CMBL: variants seen among roughly 807,000 people sequenced by gnomAD.
The protein encoded by CMBL is carboxymethylenebutenolidase homolog.
A neutral mutation model predicts 28.7 loss-of-function variants in CMBL; 17 were observed. That is an observed-to-expected ratio of 0.59 (90% confidence interval 0.41 to 0.89). CMBL has a LOEUF of 0.89. Among genes scored for constraint, CMBL ranks in the 40% least tolerant of loss-of-function variants. The probability of loss-of-function intolerance (pLI) is 0.00; values close to 1 mark genes in which losing one functional copy is unlikely to be tolerated. For synonymous variants in CMBL, 106 were observed against 101.6 expected, an observed-to-expected ratio of 1.04 and a Z score of -0.26; for missense variants, 310 against 298.5, an observed-to-expected ratio of 1.04 and a Z score of -0.28.
At chr5:10,305,351 A>G (rs988095590) in intron 1 of CMBL, among the ~76,000 whole-genome samples, 1 of 152,078 alleles carries the variant, frequency 6.6e-6, no homozygotes, top group African/African-American at 2.4e-5. Flanking sequence ...GGAGAGGAGC[A>G]TATGGAATTG....
At chr5:10,284,047 C>G (rs540596935) in intron 4 of CMBL, among the ~76,000 whole-genome samples, 1 of 152,324 alleles carries the variant, frequency 6.6e-6, no homozygotes, top group East Asian at 1.9e-4. Flanking sequence ...AGGCAGGGAG[C>G]CACGGGAAAG....
At chr5:10,298,398 TA>T (rs892972774) in intron 1 of CMBL, among the ~76,000 whole-genome samples, 13 of 151,058 alleles carry the variant, frequency 8.6e-5, no homozygotes, top group Admixed American at 4.6e-4. Context: ...GTAACCAATT[TA>T]AAAAAAAAGG....
In CMBL at chr5:10,278,701, T is replaced by A. The variant is rs1746438555; in HGVS notation, c.*1752A>T. On this transcript the variant is annotated 3_prime_UTR_variant, in exon 6 of 6. Transcript: ENST00000296658. Reference sequence around the variant, plus strand: ...GCAATAAACTGCTTCTGTCATTTCTTGGGTTCTGATGAGTTGCCTCCTCTA... The same window carrying A: ...GCAATAAACTGCTTCTGTCATTTCTAGGGTTCTGATGAGTTGCCTCCTCTA... Among the ~76,000 whole-genome samples, 1 of 152,164 alleles carries A rather than the reference T, an allele frequency of 6.6e-6. No individual in the cohort carries two copies. Among genetic ancestry groups the A allele is most frequent in the Non-Finnish European group, 1.5e-5 (1 of 68,030 alleles).
chr5:10,291,756 A>G (rs1343393756), intron 1 of CMBL, among the ~76,000 whole-genome samples: 1 of 152,212 alleles, frequency 6.6e-6, no homozygotes, highest in Non-Finnish European at 1.5e-5. Context: ...AGAAATTAAC[A>G]CAATTGACTC....
intron 4 of CMBL, among the ~76,000 whole-genome samples, chr5:10,282,752 A>G (rs920106109): frequency 2.0e-5 from 3 of 152,046 alleles, no homozygotes; most frequent in African/African-American, 7.3e-5. Flanking sequence ...ACTGCACTCC[A>G]GCTTGGGCAA....
rs1192886262 is a variant in CMBL at position 10,288,505 on chromosome 5, T to C, written c.240A>G (p.Val80=). The change falls in exon 3 of 6, where the codon GTA becomes GTG. Residue 80 remains valine (V), a synonymous_variant. Transcript: ENST00000296658. ...GYTTIVPDFF[V]GQEPWDPSGD... ...CAGAGGGGTCCCAAGGCTCTTGCCCTACAAAGAAGTCTGGAACAATGGTTC... is the reference window on the plus strand; with the variant it reads ...CAGAGGGGTCCCAAGGCTCTTGCCCCACAAAGAAGTCTGGAACAATGGTTC... 5 of 1,613,796 alleles carry C rather than the reference T, an allele frequency of 3.1e-6. No individual in the cohort carries two copies. The Admixed American group carries it at 6.7e-5, about 22-fold the overall frequency.
Position 10,278,197 on chromosome 5 carries a change from T to A in CMBL, c.*2256A>T, listed in dbSNP as rs1746428147. 6.6e-6 allele frequency among the ~76,000 whole-genome samples: 1 copy of A among 152,228 alleles called. No individual in the cohort carries two copies. The highest frequency in any genetic ancestry group is 1.5e-5 in the Non-Finnish European group (1 of 68,038). On this transcript the variant is annotated 3_prime_UTR_variant, in exon 6 of 6. Transcript: ENST00000296658. ...TCAAGTTTGGGAATTCTTTGAATTTTATGTTTCCTGAGCATCTATTTGAAT... is the reference window on the plus strand; with the variant it reads ...TCAAGTTTGGGAATTCTTTGAATTTAATGTTTCCTGAGCATCTATTTGAAT...
intron 1 of CMBL, among the ~76,000 whole-genome samples, chr5:10,299,737 G>C (rs1302044425): frequency 6.6e-6 from 1 of 151,500 alleles, no homozygotes; most frequent in Non-Finnish European, 1.5e-5. Flanking sequence ...TGTGGTCCCA[G>C]CTACTCAGGA....
Position 10,280,468 on chromosome 5 carries a change from C to T in CMBL, c.723G>A (p.Leu241=). 2 of 1,601,532 alleles carry T rather than the reference C, an allele frequency of 1.2e-6. No homozygotes were observed. The highest frequency in any genetic ancestry group is 1.7e-4 in the Middle Eastern group (1 of 6,020). Residue 241 remains leucine, a synonymous_variant, in exon 6 of 6, where the codon CTG becomes CTA. Transcript: ENST00000296658. ...TTGATTCTTGCTACATGTACTTGTT[C>T]AGCCACTCAATTAAATTCCTTCTGG... ...DEARRNLIEW[L]NKYM
chr5:10,277,829 C>T lies in CMBL; in HGVS notation c.*2624G>A, dbSNP rs1746421709. ...AGGACTCAGCAGAGGGAAGGCTGCC[C>T]AGGCCCCAAGCTCACCATGAAGGAT... On this transcript the variant is annotated 3_prime_UTR_variant, in exon 6 of 6. Coordinates refer to ENST00000296658, the MANE Select transcript of CMBL (RefSeq NM_138809.4). 6.6e-6 allele frequency among the ~76,000 whole-genome samples: 1 copy of T among 152,186 alleles called. No individual in the cohort carries two copies. The highest frequency in any genetic ancestry group is 2.4e-5 in the African/African-American group (1 of 41,456).
At chr5:10,306,241 C>A (rs1175889969) in intron 1 of CMBL, among the ~76,000 whole-genome samples, 1 of 152,140 alleles carries the variant, frequency 6.6e-6, no homozygotes, top group Non-Finnish European at 1.5e-5. Context: ...CAACGCAGTT[C>A]TCCAACAGAA....
rs1439303484 is a variant in CMBL, at chr5:10,278,352, C to T, written c.*2101G>A. On this transcript the variant is annotated 3_prime_UTR_variant, in exon 6 of 6. Transcript: ENST00000296658. Reference sequence around the variant, plus strand: ...CAAAACCGCCTCCTGGGACCACCTTCCCATGGACAGCTGGATACCACCTGC... The same window carrying T: ...CAAAACCGCCTCCTGGGACCACCTTTCCATGGACAGCTGGATACCACCTGC... Among the ~76,000 whole-genome samples, 1 of 152,196 alleles carries T rather than the reference C, an allele frequency of 6.6e-6. No individual in the cohort carries two copies. The highest frequency in any genetic ancestry group is 2.1e-4 in the South Asian group (1 of 4,830).
intron 1 of CMBL, among the ~76,000 whole-genome samples, chr5:10,298,009 C>T (rs761982907): frequency 6.6e-6 from 1 of 151,884 alleles, no homozygotes; most frequent in Non-Finnish European, 1.5e-5. Context: ...GCGAGAAGTA[C>T]GTATGGCTGT....
At position 10,288,454 on chromosome 5, in the gene CMBL, C is replaced by A; in HGVS notation, c.291G>T (p.Trp97Cys). Residue 97 changes from tryptophan to cysteine, a missense_variant, in exon 3 of 6, where the codon TGG (tryptophan) becomes TGT (cysteine). Coordinates refer to ENST00000296658, the MANE Select transcript of CMBL (RefSeq NM_138809.4). The part of the protein sequence containing the change: ...PSGDWSIFPE[W>C]LKTRNAQKID... ...TCTTCTGGGCATTTCTTGTTTTCAG[C>A]CACTCAGGGAAGATAGACCAGTCGC... 6.2e-7 allele frequency: 1 copy of A among 1,613,912 alleles called. No individual in the cohort carries two copies. Among genetic ancestry groups the A allele is most frequent in the Non-Finnish European group, 8.5e-7 (1 of 1,179,868 alleles).
intron 1 of CMBL, among the ~76,000 whole-genome samples, chr5:10,304,420 C>T (rs1561067618): frequency 1.3e-5 from 2 of 152,144 alleles, no homozygotes. Context: ...CCTCCTATAG[C>T]TTATTGAATC....
chr5:10,290,651 G>C lies in CMBL; in HGVS notation c.112C>G (p.Pro38Ala). 1.2e-6 allele frequency: 2 copies of C among 1,614,168 alleles called. No individual in the cohort carries two copies. The highest frequency in any genetic ancestry group is 1.7e-6 in the Non-Finnish European group (2 of 1,180,022). Residue 38 changes from proline (P) to alanine (A), a missense_variant, in exon 2 of 6, where the codon CCC (proline) becomes GCC (alanine). Physicochemically the swap from Pro to Ala is conservative, Grantham distance 27. Transcript: ENST00000296658. ...EHIKAYVTKS[P>A]VDAGKAVIVI... Reference sequence around the variant, plus strand: ...ATCACAGCTTTGCCTGCATCAACGGGGGATTTGGTGACATAAGCCTTGATG... The same window carrying C: ...ATCACAGCTTTGCCTGCATCAACGGCGGATTTGGTGACATAAGCCTTGATG...
chr5:10,299,265 G>A (rs1746854675), intron 1 of CMBL, among the ~76,000 whole-genome samples: 1 of 151,894 alleles, frequency 6.6e-6, no homozygotes, highest in South Asian at 2.1e-4. Flanking sequence ...TCATATGAAT[G>A]GGCAATTTAC....
chr5:10,296,092 T>C (rs1277876049), intron 1 of CMBL, among the ~76,000 whole-genome samples: 1 of 152,138 alleles, frequency 6.6e-6, no homozygotes, highest in Non-Finnish European at 1.5e-5. Context: ...TATATTAGAA[T>C]GGTATCTTCC....
chr5:10,290,119 C>T (rs549557888), intron 2 of CMBL, among the ~76,000 whole-genome samples: 4 of 152,308 alleles, frequency 2.6e-5, no homozygotes, highest in African/African-American at 4.8e-5. Flanking sequence ...CACGACCGTA[C>T]GTGTATGGAC....
Sources: allele counts gnomAD v4.1 joint callset (sites outside exome capture counted in the v4.1 genomes callset), GRCh38; gene constraint gnomAD v4.1.1; transcripts MANE v1.5; gene names NCBI Gene and HGNC (gene_info 2026-07-23, HGNC 2026-07-21).